Variants in JMJD1C observed in about 807,000 individuals in gnomAD.
JMJD1C encodes jumonji domain containing 1C, also known as jumonji domain-containing protein 1C.
In JMJD1C, 31 loss-of-function variants were observed where a neutral mutation model predicts 245.3. That is an observed-to-expected ratio of 0.13 (90% CI 0.09 to 0.17). The LOEUF (loss-of-function observed/expected upper bound fraction) is 0.17, where lower values mean the gene tolerates loss of function less well. Ranked by LOEUF, JMJD1C falls within the 10% of genes least tolerant of loss-of-function variation. The pLI is 1.00. For missense variants in JMJD1C, 2,691 were observed against 3,000.2 expected, an observed-to-expected ratio of 0.90 and a Z score of 2.41; for synonymous variants, 1,057 against 1,017.4, an observed-to-expected ratio of 1.04 and a Z score of -0.74.
intron 17 of JMJD1C, among the ~76,000 whole-genome samples, chr10:63,190,379 T>C (rs1393758796): frequency 6.6e-6 from 1 of 152,064 alleles, no homozygotes; most frequent in Non-Finnish European, 1.5e-5. Flanking sequence ...AACTTTTGTA[T>C]TTTTAGTAGA....
rs951861137 is a variant in JMJD1C at position 63,445,651 on chromosome 10, T to C, written c.168+19844A>G. Among the ~76,000 whole-genome samples, 9 of 152,258 alleles carry C rather than the reference T, an allele frequency of 5.9e-5. No homozygotes were observed. The South Asian group carries it at 1.9e-3, about 32-fold the overall frequency. On this transcript the variant is annotated intron_variant, in intron 1 of 25. Transcript: ENST00000399262. ...CTTTGGAGGCATCTGACCATAAAAG[T>C]AACATAATCTGACTGTTTGCTATAG...
intron 2 of JMJD1C, among the ~76,000 whole-genome samples, chr10:63,285,405 C>T (rs1459976759): frequency 6.6e-6 from 1 of 152,192 alleles, no homozygotes; most frequent in Non-Finnish European, 1.5e-5. Flanking sequence ...TCAGACCCTG[C>T]TAAGCCAACA....
At chr10:63,283,175 C>A (rs1857593528) in intron 2 of JMJD1C, among the ~76,000 whole-genome samples, 1 of 152,236 alleles carries the variant, frequency 6.6e-6, no homozygotes, top group Non-Finnish European at 1.5e-5. Context: ...AGGAAAATTT[C>A]ATAGACTCTT....
chr10:63,191,009 T>C lies in JMJD1C; in HGVS notation c.6176A>G (p.Asn2059Ser), dbSNP rs879246034. Residue 2059 changes from asparagine (N) to serine (S), a missense_variant, in exon 17 of 26, where the codon AAT (asparagine) becomes AGT (serine). By Grantham distance (46) the Asn-to-Ser change is conservative. Around this residue, in one of 9 missense-constraint regions of JMJD1C, gnomAD observed 275 missense variants for 285.5 expected, o/e 0.96. Transcript: ENST00000399262. ...NGRTSPLVSQ[N>S]NEQGSTLRDL... ...CCGTAAGGTTGAGCCTTGTTCATTA[T>C]TCTGGGACACAAGAGGTGATGTTCT... 4.3e-6 allele frequency: 7 copies of C among 1,614,198 alleles called. No individual in the cohort carries two copies. In the South Asian group the frequency reaches 7.7e-5, roughly 18 times the overall value.
At chr10:63,193,626 TA>T in intron 14 of JMJD1C, 154 bp from the exon 15 acceptor site, 1 of 521,686 alleles carries the variant, frequency 1.9e-6, no homozygotes. Flanking sequence ...CTCTTCCATC[TA>T]TTACAGTTTT....
At chr10:63,406,346 A>T in intron 1 of JMJD1C, among the ~76,000 whole-genome samples, 1 of 152,208 alleles carries the variant, frequency 6.6e-6, no homozygotes, top group East Asian at 1.9e-4. Context: ...CAATACTGGA[A>T]GAGAACAGTT....
At chr10:63,464,778 AT>A (rs1953074710) in intron 1 of JMJD1C, among the ~76,000 whole-genome samples, 1 of 152,238 alleles carries the variant, frequency 6.6e-6, no homozygotes, top group South Asian at 2.1e-4. Context: ...TTAAAATCGT[AT>A]AAAACCCAGA....
intron 1 of JMJD1C, among the ~76,000 whole-genome samples, chr10:63,389,259 C>G (rs1394202112): frequency 7.1e-6 from 1 of 141,036 alleles, no homozygotes; most frequent in African/African-American, 2.6e-5. Flanking sequence ...TTACAGTGAG[C>G]TGAGATCGTG....
At chr10:63,292,821 G>A (rs1314780412) in intron 2 of JMJD1C, among the ~76,000 whole-genome samples, 3 of 151,880 alleles carry the variant, frequency 2.0e-5, no homozygotes, top group African/African-American at 7.3e-5. Context: ...GAAGTGGGCG[G>A]ATCGCCTGAG....
At chr10:63,396,013 T>C (rs922468496) in intron 1 of JMJD1C, among the ~76,000 whole-genome samples, 11 of 152,120 alleles carry the variant, frequency 7.2e-5, no homozygotes, top group Non-Finnish European at 1.2e-4. Context: ...ATCGTCGAAA[T>C]GGTTACAAGA....
intron 2 of JMJD1C, among the ~76,000 whole-genome samples, chr10:63,314,671 C>A (rs1386102340): frequency 2.0e-5 from 3 of 149,546 alleles, no homozygotes; most frequent in African/African-American, 7.4e-5. Flanking sequence ...ATTTGAGATG[C>A]GAGTTTCACT....
At chr10:63,285,178 T>C (rs1416617455) in intron 2 of JMJD1C, among the ~76,000 whole-genome samples, 1 of 152,106 alleles carries the variant, frequency 6.6e-6, no homozygotes, top group Non-Finnish European at 1.5e-5. Context: ...AGCCCCAAAC[T>C]GCAAGTCATG....
intron 1 of JMJD1C, among the ~76,000 whole-genome samples, chr10:63,445,435 T>C (rs1477924147): frequency 6.6e-6 from 1 of 152,124 alleles, no homozygotes; most frequent in Admixed American, 6.5e-5. Flanking sequence ...GAAAAAATTC[T>C]AGACAGAGAA....
At chr10:63,262,889 G>A (rs934847016) in intron 3 of JMJD1C, among the ~76,000 whole-genome samples, 1 of 151,588 alleles carries the variant, frequency 6.6e-6, no homozygotes, top group Non-Finnish European at 1.5e-5. Flanking sequence ...TCGAGTTTTA[G>A]GCCACCTGGC....
intron 1 of JMJD1C, among the ~76,000 whole-genome samples, chr10:63,393,404 T>C (rs1225444712): frequency 6.6e-6 from 1 of 152,142 alleles, no homozygotes; most frequent in East Asian, 1.9e-4. Context: ...CTGGTGAGGA[T>C]GTAGAGAAAA....
intron 1 of JMJD1C, among the ~76,000 whole-genome samples, chr10:63,473,303 T>G (rs537197832): frequency 6.6e-6 from 1 of 151,990 alleles, no homozygotes; most frequent in Non-Finnish European, 1.5e-5. Flanking sequence ...TGGAGTGCAG[T>G]GGCACAATCT....
chr10:63,198,324 G>GGTTA (rs1427515063), intron 12 of JMJD1C, among the ~76,000 whole-genome samples, 189 bp downstream of exon 12: 2 of 152,106 alleles, frequency 1.3e-5, no homozygotes, highest in Non-Finnish European at 2.9e-5. Flanking sequence ...TTTCACAAAT[G>GGTTA]GTTAATTGAC....
At chr10:63,510,922 C>A (rs940710884) in intron 1 of JMJD1C, among the ~76,000 whole-genome samples, 1 of 152,180 alleles carries the variant, frequency 6.6e-6, no homozygotes, top group Non-Finnish European at 1.5e-5. Context: ...GGATTACTTA[C>A]CCTTTGTCAT....
chr10:63,509,970 T>C (rs770190141), intron 1 of JMJD1C, among the ~76,000 whole-genome samples: 4 of 151,794 alleles, frequency 2.6e-5, no homozygotes, highest in African/African-American at 7.3e-5. Context: ...TCTTTTTCTG[T>C]TTCCTAATGT....
Sources: gnomAD v4.1 joint callset for allele counts (sites outside exome capture counted in the v4.1 genomes callset) on GRCh38, gnomAD v4.1.1 for gene constraint, gnomAD v4.1.1 regional missense constraint, MANE v1.5 for transcripts, NCBI Gene and HGNC (gene_info 2026-07-23, HGNC 2026-07-21) for gene names.